The following KLF13 variants were observed in gnomAD, a reference collection of about 807,000 sequenced individuals.
KLF13 encodes the protein Krueppel-like factor 13.
KLF13 carries 8 observed loss-of-function variants against 16.7 expected under a neutral mutation model. The observed-to-expected ratio is 0.48, with a 90% confidence interval of 0.28 to 0.87. KLF13 has a LOEUF of 0.87. Among genes scored for constraint, KLF13 ranks in the 40% least tolerant of loss-of-function variants. The pLI, the probability that KLF13 is intolerant of heterozygous loss-of-function variation, is 0.10. For missense variants in KLF13, 447 were observed against 452.2 expected, an observed-to-expected ratio of 0.99 and a Z score of 0.10; for synonymous variants, 245 against 208.4, an observed-to-expected ratio of 1.18 and a Z score of -1.51.
intron 2 of KLF13, among the ~76,000 whole-genome samples, chr15:31,401,900 T>C (rs2040042026): frequency 6.6e-6 from 1 of 152,184 alleles, no homozygotes; most frequent in Non-Finnish European, 1.5e-5. Context: ...TAGCATCACT[T>C]ACCTGGAGTG....
chr15:31,332,021 T>C (rs2038842587), intron 1 of KLF13, among the ~76,000 whole-genome samples: 1 of 152,226 alleles, frequency 6.6e-6, no homozygotes, highest in South Asian at 2.1e-4. Flanking sequence ...TTATTTACCC[T>C]TCACTTATGG....
chr15:31,364,522 G>A (rs1258383288), intron 1 of KLF13, among the ~76,000 whole-genome samples: 2 of 152,256 alleles, frequency 1.3e-5, no homozygotes, highest in African/African-American at 4.8e-5. Context: ...TGGCCCATAG[G>A]TGATAACATT....
At chr15:31,399,119 C>T (rs555734517) in intron 2 of KLF13, among the ~76,000 whole-genome samples, 2 of 152,296 alleles carry the variant, frequency 1.3e-5, no homozygotes, top group Non-Finnish European at 2.9e-5. Context: ...TTGCAATCAC[C>T]CTCTGAGAGG....
chr15:31,336,685 G>GA (rs2038935358), intron 1 of KLF13, among the ~76,000 whole-genome samples: 1 of 152,168 alleles, frequency 6.6e-6, no homozygotes. Flanking sequence ...AAAGAGATTG[G>GA]AAATAGAGCG....
chr15:31,381,265 T>A (rs1450074576), downstream of KLF13, among the ~76,000 whole-genome samples: 1 of 152,192 alleles, frequency 6.6e-6, no homozygotes, highest in African/African-American at 2.4e-5. Context: ...TTTATTCTCT[T>A]GCAGCTCTGG....
intron 2 of KLF13, among the ~76,000 whole-genome samples, chr15:31,398,058 C>A (rs1396027535): frequency 2.6e-5 from 4 of 152,156 alleles, no homozygotes; most frequent in African/African-American, 7.2e-5. Context: ...TAATAAGGAG[C>A]CTGCTAGGCC....
intron 1 of KLF13, among the ~76,000 whole-genome samples, chr15:31,384,676 G>C (rs976043577): frequency 6.6e-6 from 1 of 152,140 alleles, no homozygotes; most frequent in Non-Finnish European, 1.5e-5. Context: ...ATTCATGAGC[G>C]TACTTTTGGA....
intron 2 of KLF13, among the ~76,000 whole-genome samples, chr15:31,402,578 G>A (rs185687099): frequency 6.6e-4 from 101 of 152,316 alleles, no homozygotes; most frequent in African/African-American, 1.9e-3. Context: ...GCTCAGGTCC[G>A]ACCTGGCTGT....
At chr15:31,382,817 CCACT>C (rs776442246), downstream of KLF13, among the ~76,000 whole-genome samples, 5 of 152,320 alleles carry the variant, frequency 3.3e-5, no homozygotes, top group African/African-American at 7.2e-5. Context: ...GGTACCGCGT[CCACT>C]CACTCAGACC....
intron 1 of KLF13, among the ~76,000 whole-genome samples, chr15:31,333,952 TG>T (rs56234722): frequency 0.24 from 36,906 of 151,054 alleles, 5,666 homozygotes; most frequent in Non-Finnish European, 0.34. Flanking sequence ...CATCGCCTCA[TG>T]GGGGGGGGAG....
chr15:31,348,050 G>A (rs1022351106), intron 1 of KLF13, among the ~76,000 whole-genome samples: 8 of 152,230 alleles, frequency 5.3e-5, no homozygotes, highest in East Asian at 1.9e-4. Context: ...TGCACTTTCA[G>A]GGGGGTTTAT....
intron 1 of KLF13, among the ~76,000 whole-genome samples, chr15:31,336,780 G>A (rs1241860697): frequency 2.0e-5 from 3 of 152,070 alleles, no homozygotes; most frequent in South Asian, 2.1e-4. Context: ...CATTGGTCTC[G>A]GGTTACCAAA....
rs567743046 is a variant in KLF13, at chr15:31,365,647, G to A, written c.578-6363G>A. On this transcript the variant is annotated intron_variant, in intron 1 of 1. Coordinates refer to ENST00000307145, the MANE Select transcript of KLF13 (RefSeq NM_015995.4). ...CCCACTCACCTGTGGGGGGTTGGGGGGGAGTTTGGCTAAGGCTGGATTGCA... is the reference window on the plus strand; with the variant it reads ...CCCACTCACCTGTGGGGGGTTGGGGAGGAGTTTGGCTAAGGCTGGATTGCA... Among the ~76,000 whole-genome samples, 817 of 152,190 alleles carry A rather than the reference G, an allele frequency of 5.4e-3. 11 individuals are homozygous for A. The highest frequency in any genetic ancestry group is 5.3e-3 in the Non-Finnish European group (362 of 68,008).
chr15:31,335,859 C>T (rs963685847), intron 1 of KLF13, among the ~76,000 whole-genome samples: 4 of 152,196 alleles, frequency 2.6e-5, no homozygotes, highest in East Asian at 1.9e-4. Context: ...CTGGAGCCCA[C>T]GCTGCATCAT....
At position 31,365,420 on chromosome 15, in the gene KLF13, C is replaced by T. The variant is rs893049537; in HGVS notation, c.578-6590C>T. 7.9e-5 allele frequency among the ~76,000 whole-genome samples: 12 copies of T among 152,106 alleles called. No individual in the cohort carries two copies. The South Asian group carries it at 8.3e-4, about 10-fold the overall frequency. On this transcript the variant is annotated intron_variant, in intron 1 of 1. Coordinates refer to ENST00000307145, the MANE Select transcript of KLF13 (RefSeq NM_015995.4). Reference sequence around the variant, plus strand: ...CTCCCTTCCATGAAGGGGAGCTCAGCGAGGCTTCCTAGAGAAGACCCAGCA... The same window carrying T: ...CTCCCTTCCATGAAGGGGAGCTCAGTGAGGCTTCCTAGAGAAGACCCAGCA...
At chr15:31,410,236 A>G (rs1191950419) in intron 1 of KLF13, among the ~76,000 whole-genome samples, 1 of 152,230 alleles carries the variant, frequency 6.6e-6, no homozygotes, top group East Asian at 1.9e-4. Context: ...CAAAAGTATA[A>G]AGAAGAGTTA....
At chr15:31,413,384 C>T (rs1182642044) in intron 1 of KLF13, among the ~76,000 whole-genome samples, 1 of 152,036 alleles carries the variant, frequency 6.6e-6, no homozygotes, top group African/African-American at 2.4e-5. Context: ...GGTCAATCAA[C>T]TCCAAACAGG....
intron 1 of KLF13, 71 bp downstream of exon 1, chr15:31,327,860 G>C (rs899435678): frequency 3.6e-5 from 46 of 1,262,180 alleles, no homozygotes; most frequent in African/African-American, 6.4e-5. Flanking sequence ...CACGCCCCCG[G>C]AGTCCCCGAT....
intron 1 of KLF13, among the ~76,000 whole-genome samples, chr15:31,424,529 G>A (rs1284922293): frequency 1.3e-5 from 2 of 152,086 alleles, no homozygotes; most frequent in Admixed American, 6.5e-5. Context: ...AAAACCACAT[G>A]ATCATTTCAA....
Sources: allele counts gnomAD v4.1 joint callset (sites outside exome capture counted in the v4.1 genomes callset), GRCh38; gene constraint gnomAD v4.1.1; transcripts MANE v1.5; gene names NCBI Gene and HGNC (gene_info 2026-07-23, HGNC 2026-07-21).